Variants in TMEM163 observed in about 807,000 individuals in gnomAD.
The protein encoded by TMEM163 is transmembrane protein 163.
A neutral mutation model predicts 29.3 loss-of-function variants in TMEM163; 17 were observed. The observed-to-expected ratio is 0.58, with a 90% CI of 0.40 to 0.87. The LOEUF (loss-of-function observed/expected upper bound fraction) is 0.87. Ranked by LOEUF, TMEM163 falls within the 40% of genes least tolerant of loss-of-function variation. The pLI is 0.00. For synonymous variants in TMEM163, 157 were observed against 160.6 expected (o/e 0.98, Z 0.17); for missense variants, 303 against 381.5 (o/e 0.79, Z 1.71).
chr2:134,610,487 G>A (rs1303065474), intron 2 of TMEM163, among the ~76,000 whole-genome samples: 1 of 152,212 alleles, frequency 6.6e-6, no homozygotes, highest in Non-Finnish European at 1.5e-5. Context: ...GGGACATACA[G>A]TCCCGGTGGA....
At chr2:134,626,858 T>C (rs1682864011) in intron 2 of TMEM163, among the ~76,000 whole-genome samples, 2 of 152,254 alleles carry the variant, frequency 1.3e-5, no homozygotes, top group Admixed American at 6.5e-5. Context: ...TAGAAAACTA[T>C]ACTGTGTAAA....
intron 5 of TMEM163, among the ~76,000 whole-genome samples, chr2:134,481,149 A>AT (rs1687044472): frequency 6.6e-6 from 1 of 152,148 alleles, no homozygotes; most frequent in Admixed American, 6.5e-5. Flanking sequence ...AGATTCATCC[A>AT]TCTTGTTGCA....
intron 2 of TMEM163, among the ~76,000 whole-genome samples, chr2:134,682,924 G>A (rs1684277825): frequency 2.0e-5 from 3 of 152,176 alleles, no homozygotes; most frequent in African/African-American, 4.8e-5. Flanking sequence ...GCAATGGAAT[G>A]TTACTCAGTG....
chr2:134,579,809 T>C (rs1681650521), intron 2 of TMEM163, among the ~76,000 whole-genome samples: 1 of 152,178 alleles, frequency 6.6e-6, no homozygotes, highest in Non-Finnish European at 1.5e-5. Context: ...TTAAAAGAAA[T>C]CTATGTAAAA....
chr2:134,647,429 C>T (rs1683358532), intron 2 of TMEM163, among the ~76,000 whole-genome samples: 1 of 152,200 alleles, frequency 6.6e-6, no homozygotes. Context: ...CTACCAACCT[C>T]CGAAATCACT....
At position 134,456,750 on chromosome 2, in the gene TMEM163, A is replaced by G. The variant is rs1364059830; in HGVS notation, c.836T>C (p.Val279Ala). 3 of 1,613,700 alleles carry G rather than the reference A, an allele frequency of 1.9e-6. No homozygotes were observed. Among genetic ancestry groups the G allele is most frequent in the Non-Finnish European group, 2.5e-6 (3 of 1,179,958 alleles). Reference protein sequence around the residue: ...VKLLIDMVPRVRQTRHYEMFE With the variant: ...VKLLIDMVPRARQTRHYEMFE ...CATCTCGTAGTGACGTGTCTGCCTC[A>G]CCCTCGGCACCATGTCGATGAGGAG... Residue 279 changes from valine (V) to alanine (A), a missense_variant, in exon 8 of 8, where the codon GTG becomes GCG. Coordinates refer to ENST00000281924, the MANE Select transcript of TMEM163 (RefSeq NM_030923.5).
chr2:134,530,545 T>C (rs535458076), intron 4 of TMEM163, among the ~76,000 whole-genome samples: 2 of 152,274 alleles, frequency 1.3e-5, no homozygotes, highest in African/African-American at 4.8e-5. Flanking sequence ...CCAAAGTGCT[T>C]GGGTTACAGG....
intron 2 of TMEM163, among the ~76,000 whole-genome samples, chr2:134,619,934 A>G (rs1315603692): frequency 6.6e-6 from 1 of 152,240 alleles, no homozygotes; most frequent in Non-Finnish European, 1.5e-5. Context: ...CCCATGCACT[A>G]TGGCTTCAAA....
Position 134,529,932 on chromosome 2 carries a change from C to T in TMEM163, c.458+20638G>A, listed in dbSNP as rs570029020. 3.9e-5 allele frequency among the ~76,000 whole-genome samples: 6 copies of T among 152,032 alleles called. No individual in the cohort carries two copies. The South Asian group carries it at 1.3e-3, about 32-fold the overall frequency. On this transcript the variant is annotated intron_variant, in intron 4 of 7. Coordinates refer to ENST00000281924, the MANE Select transcript of TMEM163 (RefSeq NM_030923.5). The stretch of plus-strand genomic sequence containing the variant: ...GAGGCGTGGAAGGCTACCATCAGGG[C>T]TGTGGTAGGAATGCAGTCGGGAGGA...
chr2:134,547,474 A>G lies in TMEM163; in HGVS notation c.458+3096T>C, dbSNP rs368152420. Among the ~76,000 whole-genome samples, 4 of 152,332 alleles carry G rather than the reference A, an allele frequency of 2.6e-5. No homozygotes were observed. In the East Asian group the frequency reaches 7.7e-4, roughly 29 times the overall value. On this transcript the variant is annotated intron_variant, in intron 4 of 7. Transcript: ENST00000281924. The stretch of plus-strand genomic sequence containing the variant: ...AGGGAATTAGCTAAGGGCCAGTTGC[A>G]TATTTTCCAATTTCCTCTAATATTA...
intron 2 of TMEM163, among the ~76,000 whole-genome samples, chr2:134,605,668 GAGAATGAAATTTCCATCTCAAAAAA>G (rs1300988782): frequency 6.6e-6 from 1 of 150,630 alleles, no homozygotes; most frequent in Non-Finnish European, 1.5e-5. Flanking sequence ...CCTGGGTGAT[GAGAATGAAATTTCCATCTCAAAAAA>G]AGGAAAGGCA....
At chr2:134,689,265 C>T (rs553645657) in intron 2 of TMEM163, among the ~76,000 whole-genome samples, 163 of 151,932 alleles carry the variant, frequency 1.1e-3, no homozygotes, top group African/African-American at 3.8e-3. Flanking sequence ...TGCATCACCA[C>T]GCCTGGCTAA....
intron 5 of TMEM163, among the ~76,000 whole-genome samples, chr2:134,472,997 A>C (rs945764631): frequency 7.9e-5 from 12 of 152,222 alleles, no homozygotes; most frequent in Admixed American, 5.2e-4. Flanking sequence ...GAATCAAAGA[A>C]TAAGTCACCA....
At chr2:134,578,022 C>A (rs1445378631) in intron 2 of TMEM163, among the ~76,000 whole-genome samples, 2 of 152,148 alleles carry the variant, frequency 1.3e-5, no homozygotes, top group East Asian at 3.9e-4. Flanking sequence ...GGTCCTGGAA[C>A]CAACCCCTCT....
At chr2:134,700,088 T>C (rs1684665276) in intron 2 of TMEM163, among the ~76,000 whole-genome samples, 1 of 152,326 alleles carries the variant, frequency 6.6e-6, no homozygotes, top group East Asian at 1.9e-4. Flanking sequence ...CTTTAATTCA[T>C]TTACACTTTT....
At chr2:134,582,907 A>G (rs931534564) in intron 2 of TMEM163, among the ~76,000 whole-genome samples, 2 of 152,316 alleles carry the variant, frequency 1.3e-5, no homozygotes, top group Non-Finnish European at 2.9e-5. Context: ...CTGCAAAAGT[A>G]GAGAAGAATC....
chr2:134,558,410 A>G (rs555037500), intron 2 of TMEM163, among the ~76,000 whole-genome samples: 71 of 152,308 alleles, frequency 4.7e-4, no homozygotes, highest in African/African-American at 1.4e-3. Flanking sequence ...AGAAGTCTAA[A>G]ATAAATATTT....
chr2:134,667,951 T>C (rs770196915), intron 2 of TMEM163, among the ~76,000 whole-genome samples: 20 of 152,302 alleles, frequency 1.3e-4, no homozygotes, highest in Non-Finnish European at 2.1e-4. Context: ...ATAGAGATCA[T>C]TCCAACAGGT....
intron 2 of TMEM163, among the ~76,000 whole-genome samples, chr2:134,612,473 C>T (rs1411636323): frequency 4.0e-5 from 6 of 151,282 alleles, no homozygotes; most frequent in Admixed American, 2.6e-4. Context: ...ATTTTAAGCC[C>T]TCACAAAAGC....
Sources: gnomAD v4.1 joint callset for allele counts (sites outside exome capture counted in the v4.1 genomes callset) on GRCh38, gnomAD v4.1.1 for gene constraint, MANE v1.5 for transcripts, NCBI Gene and HGNC (gene_info 2026-07-23, HGNC 2026-07-21) for gene names.